BLVRB: variants seen among roughly 807,000 people sequenced by gnomAD.
BLVRB encodes flavin reductase (NADPH).
A neutral mutation model predicts 21.1 loss-of-function variants in BLVRB; 25 were observed. The observed-to-expected ratio is 1.19, with a 90% CI of 0.86 to 1.66. The LOEUF (loss-of-function observed/expected upper bound fraction) is 1.66, where lower values mean the gene tolerates loss of function less well. BLVRB is among the 40% of genes most tolerant of loss of function. The pLI, the probability that BLVRB is intolerant of heterozygous loss-of-function variation, is 0.00. For missense variants in BLVRB, 274 were observed against 282.7 expected (o/e 0.97, Z 0.22); for synonymous variants, 128 against 122.2 (o/e 1.05, Z -0.31).
chr19:40,465,574 T>C, intron 1 of BLVRB, 36 bp downstream of exon 1: 1 of 1,591,446 alleles, frequency 6.3e-7, no homozygotes. Context: ...TCTGCCCGTC[T>C]GTCCCGTGAC....
intron 1 of BLVRB, among the ~76,000 whole-genome samples, chr19:40,464,363 G>C (rs568852287): frequency 9.7e-4 from 148 of 152,170 alleles, no homozygotes; most frequent in Non-Finnish European, 1.8e-3. Flanking sequence ...CAAAGTGCTG[G>C]GATTATAGGC....
Position 40,458,535 on chromosome 19 carries a change from C to A in BLVRB, c.90G>T (p.Val30=). Reference sequence around the variant, plus strand: ...TGGAGGAGTCCCGCACCAGCACTGTCACTTCGTAACCTGTGGGCAAAGAGG... The same window carrying A: ...TGGAGGAGTCCCGCACCAGCACTGTAACTTCGTAACCTGTGGGCAAAGAGG... ...LAQAVQAGYE[V]TVLVRDSSRL... The change falls in exon 2 of 5, where the codon GTG becomes GTT. Residue 30 remains valine (V), a synonymous_variant. Transcript: ENST00000263368. 6.2e-7 allele frequency: 1 copy of A among 1,607,512 alleles called. No individual in the cohort carries two copies.
At chr19:40,461,457 C>G (rs931875168) in intron 1 of BLVRB, among the ~76,000 whole-genome samples, 1 of 152,082 alleles carries the variant, frequency 6.6e-6, no homozygotes, top group African/African-American at 2.4e-5. Flanking sequence ...CTTCTCCTCT[C>G]CAGGCTCTGC....
chr19:40,449,921 TG>T (rs1217376682), intron 4 of BLVRB, among the ~76,000 whole-genome samples: 1 of 151,980 alleles, frequency 6.6e-6, no homozygotes, highest in African/African-American at 2.4e-5. Flanking sequence ...CACACTTGGC[TG>T]GGCGTGGTGG....
intron 1 of BLVRB, among the ~76,000 whole-genome samples, chr19:40,460,247 CATATATATAT>C (rs57153004): frequency 5.0e-5 from 6 of 121,130 alleles, no homozygotes; most frequent in South Asian, 2.6e-4. Context: ...GTAATAGCAA[CATATATATAT>C]ATATATATAT....
At position 40,465,577 on chromosome 19, in the gene BLVRB, C is replaced by A. The variant is rs765202036; in HGVS notation, c.79+33G>T. The A allele has an allele frequency of 6.9e-6, 11 of 1,594,572 alleles. No homozygotes were observed. The South Asian group carries it at 1.2e-4, about 18-fold the overall frequency. On this transcript the variant is annotated intron_variant, in intron 1 of 4. Coordinates refer to ENST00000263368, the MANE Select transcript of BLVRB (RefSeq NM_000713.3). ...CCTTCCTAAAGTTCTGCCCGTCTGTCCCGTGACATGCCCCGCCCGCCCCGG... is the reference window on the plus strand; with the variant it reads ...CCTTCCTAAAGTTCTGCCCGTCTGTACCGTGACATGCCCCGCCCGCCCCGG...
At chr19:40,464,824 G>A (rs892727519) in intron 1 of BLVRB, among the ~76,000 whole-genome samples, 2 of 152,128 alleles carry the variant, frequency 1.3e-5, no homozygotes, top group Admixed American at 6.6e-5. Context: ...TATCTTCAGC[G>A]TCCCCAAGGC....
chr19:40,448,613 A>AACAAC (rs1293718203), intron 4 of BLVRB, among the ~76,000 whole-genome samples: 557 of 23,610 alleles, frequency 0.024, 3 homozygotes, highest in African/African-American at 0.1. Flanking sequence ...CAACAAATAT[A>AACAAC]TATATATATA....
intron 3 of BLVRB, among the ~76,000 whole-genome samples, chr19:40,451,940 C>T (rs1267065565): frequency 2.0e-5 from 3 of 152,152 alleles, no homozygotes; most frequent in Non-Finnish European, 4.4e-5. Context: ...CCCTCACACC[C>T]CAGGTAAGAG....
chr19:40,462,115 C>A (rs2079790096), intron 1 of BLVRB, among the ~76,000 whole-genome samples: 1 of 152,154 alleles, frequency 6.6e-6, no homozygotes. Flanking sequence ...CCTCATGCAA[C>A]CTCTTCCGTG....
chr19:40,453,222 G>A (rs1213743342), intron 3 of BLVRB, among the ~76,000 whole-genome samples: 3 of 152,124 alleles, frequency 2.0e-5, no homozygotes, highest in East Asian at 1.9e-4. Context: ...TTTCCCTCTC[G>A]TAGCCACATG....
intron 3 of BLVRB, among the ~76,000 whole-genome samples, chr19:40,454,273 C>T (rs940762056): frequency 2.7e-5 from 4 of 146,412 alleles, no homozygotes; most frequent in Non-Finnish European, 6.0e-5. Context: ...GGATTACAGG[C>T]GTGTGCCACC....
intron 3 of BLVRB, chr19:40,457,664 A>G (rs2079767519): frequency 8.7e-6 from 1 of 115,576 alleles, no homozygotes. Flanking sequence ...AACTATAAAT[A>G]AATAAATAAA....
intron 4 of BLVRB, among the ~76,000 whole-genome samples, chr19:40,449,938 G>A (rs933875727): frequency 2.6e-5 from 4 of 152,022 alleles, no homozygotes; most frequent in Admixed American, 6.6e-5. Flanking sequence ...GGTGGCTCAC[G>A]CCTGTAATCC....
chr19:40,461,799 C>A (rs2079788935), intron 1 of BLVRB, among the ~76,000 whole-genome samples: 1 of 152,192 alleles, frequency 6.6e-6, no homozygotes, highest in African/African-American at 2.4e-5. Context: ...TGCACCCGGC[C>A]CCAACTGCTC....
chr19:40,460,959 C>T (rs1018863520), intron 1 of BLVRB, among the ~76,000 whole-genome samples: 2 of 151,324 alleles, frequency 1.3e-5, no homozygotes, highest in African/African-American at 2.4e-5. Flanking sequence ...GCAACAAGAG[C>T]GAAACTCCGT....
At chr19:40,453,389 C>A (rs2079749257) in intron 3 of BLVRB, among the ~76,000 whole-genome samples, 1 of 152,132 alleles carries the variant, frequency 6.6e-6, no homozygotes, top group African/African-American at 2.4e-5. Flanking sequence ...CCTTCCCCTG[C>A]CACCACACGC....
chr19:40,448,104 A>G, intron 4 of BLVRB, 58 bp from the exon 5 acceptor site: 2 of 1,558,904 alleles, frequency 1.3e-6, no homozygotes, highest in South Asian at 2.3e-5. Flanking sequence ...TTCCCCCAAA[A>G]TTCGACCCCC....
chr19:40,451,532 G>A (rs755609892), intron 3 of BLVRB, 40 bp from the exon 4 acceptor site: 1 of 1,405,832 alleles, frequency 7.1e-7, no homozygotes, highest in Middle Eastern at 2.6e-4. Flanking sequence ...GGGCTCTCTT[G>A]TCTTTTTTTT....
Sources: allele counts gnomAD v4.1 joint callset (sites outside exome capture counted in the v4.1 genomes callset), GRCh38; gene constraint gnomAD v4.1.1; transcripts MANE v1.5; gene names NCBI Gene and HGNC (gene_info 2026-07-23, HGNC 2026-07-21).